Variants in ANOS1 observed in about 807,000 individuals in gnomAD.
ANOS1 encodes anosmin 1.
Under a neutral mutation model 59.0 loss-of-function variants are expected in ANOS1, and 6 were observed. The observed-to-expected ratio is 0.10, with a 90% CI of 0.06 to 0.20. The LOEUF (loss-of-function observed/expected upper bound fraction) is 0.20. Ranked by LOEUF, ANOS1 falls within the 10% of genes least tolerant of loss-of-function variation. The pLI is 1.00. For synonymous variants in ANOS1, 217 were observed against 223.4 expected (o/e 0.97, Z 0.25); for missense variants, 433 against 542.3 (o/e 0.80, Z 2.00).
intron 1 of ANOS1, among the ~76,000 whole-genome samples, chrX:8,725,539 T>TATATATATACAG (rs1230391725): frequency 2.0e-5 from 2 of 99,992 alleles, no homozygotes; most frequent in African/African-American, 7.3e-5. Context: ...TATATACAGA[T>TATATATATACAG]ATATATATAC....
chrX:8,696,081 G>A (rs966948005), intron 2 of ANOS1, among the ~76,000 whole-genome samples: 2 of 111,867 alleles, frequency 1.8e-5, no homozygotes, highest in Non-Finnish European at 3.8e-5. Flanking sequence ...TGCAAGGCTG[G>A]TATGGGGCCC....
chrX:8,677,731 A>G (rs1237274852), intron 2 of ANOS1, among the ~76,000 whole-genome samples: 5 of 112,118 alleles, frequency 4.5e-5, no homozygotes, highest in Non-Finnish European at 9.4e-5. Context: ...GGCTAAGCAT[A>G]TGTTAAACAA....
intron 2 of ANOS1, among the ~76,000 whole-genome samples, chrX:8,680,688 CCTT>C (rs1297653749): frequency 9.0e-6 from 1 of 111,707 alleles, no homozygotes; most frequent in Non-Finnish European, 1.9e-5. Context: ...CCAGTAATCT[CCTT>C]CTTCCCGTCA....
intron 8 of ANOS1, among the ~76,000 whole-genome samples, chrX:8,563,525 A>G (rs1930064442): frequency 8.9e-6 from 1 of 112,787 alleles, no homozygotes; most frequent in East Asian, 2.8e-4. Flanking sequence ...TGGAGGACAC[A>G]GTTAAAATAT....
intron 2 of ANOS1, among the ~76,000 whole-genome samples, chrX:8,663,796 T>C (rs1285946119): frequency 8.9e-6 from 1 of 111,861 alleles, no homozygotes; most frequent in African/African-American, 3.3e-5. Flanking sequence ...AATTATTACA[T>C]TACATGGAAT....
At chrX:8,544,859 G>A (rs1601947993) in intron 9 of ANOS1, among the ~76,000 whole-genome samples, 1 of 109,405 alleles carries the variant, frequency 9.1e-6, no homozygotes. Flanking sequence ...CTGAGGTTGG[G>A]AGTTCGAGAC....
intron 5 of ANOS1, among the ~76,000 whole-genome samples, chrX:8,587,054 T>A (rs760831936): frequency 9.0e-6 from 1 of 110,564 alleles, no homozygotes; most frequent in South Asian, 3.9e-4. Flanking sequence ...GAAGGCATTT[T>A]AGTTGTCTAA....
At chrX:8,726,462 T>A (rs1932921249) in intron 1 of ANOS1, among the ~76,000 whole-genome samples, 1 of 111,823 alleles carries the variant, frequency 8.9e-6, no homozygotes, top group Admixed American at 9.5e-5. Flanking sequence ...CAGGATCCCA[T>A]CCACTTTCTC....
chrX:8,704,116 A>C (rs184051810), intron 1 of ANOS1, among the ~76,000 whole-genome samples: 408 of 111,526 alleles, frequency 3.7e-3, no homozygotes, highest in Non-Finnish European at 6.3e-3. Flanking sequence ...CTTGCCTGCC[A>C]CCATTTAAGA....
intron 6 of ANOS1, among the ~76,000 whole-genome samples, chrX:8,582,345 G>A (rs1251082024): frequency 1.8e-5 from 2 of 112,289 alleles, no homozygotes; most frequent in East Asian, 2.8e-4. Flanking sequence ...ACAATCTGAA[G>A]GAAGAGCATA....
At chrX:8,601,354 A>G (rs371963248) in intron 3 of ANOS1, among the ~76,000 whole-genome samples, 26 of 111,773 alleles carry the variant, frequency 2.3e-4, no homozygotes, top group South Asian at 1.1e-3. Flanking sequence ...GTCAAGAATC[A>G]GATAAAGTTT....
chrX:8,687,593 AACACACAC>A (rs58384646), intron 2 of ANOS1, among the ~76,000 whole-genome samples: 11 of 95,659 alleles, frequency 1.1e-4, no homozygotes, highest in East Asian at 3.4e-4. Flanking sequence ...TAATCCAGTA[AACACACAC>A]ACACACACAC....
intron 3 of ANOS1, among the ~76,000 whole-genome samples, chrX:8,610,880 G>A (rs12852810): frequency 0.38 from 42,120 of 110,154 alleles, 5,813 homozygotes; most frequent in South Asian, 0.44. Flanking sequence ...AACACTTTCT[G>A]GAAAGATACA....
At position 8,673,608 on chromosome X, in the gene ANOS1, C is replaced by G. The variant is rs1473541566; in HGVS notation, c.255+26090G>C. Among the ~76,000 whole-genome samples the G allele has an allele frequency of 1.8e-4, 20 of 110,321 alleles. No individual in the cohort carries two copies. In the Admixed American group the frequency reaches 1.9e-3, roughly 10 times the overall value. ...GGCAGCAGTGCAGTTCTGAAGAACTCCCCTGCAGCACACACAGCTCCTGAT... is the reference window on the plus strand; with the variant it reads ...GGCAGCAGTGCAGTTCTGAAGAACTGCCCTGCAGCACACACAGCTCCTGAT... On this transcript the variant is annotated intron_variant, in intron 2 of 13. Transcript: ENST00000262648.
chrX:8,610,006 C>CAAAAAAAAAAAAAAAAA (rs1167209336), intron 3 of ANOS1, among the ~76,000 whole-genome samples: 6 of 9,163 alleles, frequency 6.5e-4, no homozygotes, highest in African/African-American at 1.1e-3. Flanking sequence ...GACTCCATCT[C>CAAAAAAAAAAAAAAAAA]AAAAAAAAAA....
At chrX:8,725,667 GATAT>G (rs1278419164) in intron 1 of ANOS1, among the ~76,000 whole-genome samples, 1 of 31,746 alleles carries the variant, frequency 3.1e-5, no homozygotes, top group Non-Finnish European at 4.8e-5. Flanking sequence ...TATATATACA[GATAT>G]ATATATACAG....
intron 8 of ANOS1, among the ~76,000 whole-genome samples, chrX:8,568,018 G>A (rs927830487): frequency 1.8e-5 from 2 of 112,200 alleles, no homozygotes; most frequent in Non-Finnish European, 3.8e-5. Flanking sequence ...CACCAAAATT[G>A]CACCTACAAT....
intron 1 of ANOS1, among the ~76,000 whole-genome samples, chrX:8,720,767 TA>T (rs777588091): frequency 1.9e-4 from 21 of 107,969 alleles, no homozygotes; most frequent in South Asian, 4.1e-4. Context: ...ACAAAAAACT[TA>T]AAAAAAAAGT....
Position 8,587,926 on chromosome X carries a change from T to C in ANOS1, c.594A>G (p.Gly198=), listed in dbSNP as rs1268651987. Residue 198 remains glycine, a synonymous_variant, in exon 5 of 14, where the codon GGA becomes GGG. Coordinates refer to ENST00000262648, the MANE Select transcript of ANOS1 (RefSeq NM_000216.4). ...KELRFTELQS[G]QLEVKWSSKF... ...TCGAGGACCACTTAACCTCCAGCTG[T>C]CCAGACTGCAGTTCTGTAAATCGTA... 7 of 1,207,058 alleles carry C rather than the reference T, an allele frequency of 5.8e-6. No homozygotes were observed. The highest frequency in any genetic ancestry group is 7.8e-6 in the Non-Finnish European group (7 of 892,999).
Sources: gnomAD v4.1 joint callset for allele counts (sites outside exome capture counted in the v4.1 genomes callset) on GRCh38, gnomAD v4.1.1 for gene constraint, MANE v1.5 for transcripts, NCBI Gene and HGNC (gene_info 2026-07-23, HGNC 2026-07-21) for gene names.